The following TDRD3 variants were observed in gnomAD, a reference collection of about 807,000 sequenced individuals.
TDRD3 encodes the protein tudor domain-containing protein 3.
In TDRD3, 45 loss-of-function variants were observed where a neutral mutation model predicts 86.7. The observed-to-expected ratio is 0.52, with a 90% CI of 0.41 to 0.67. TDRD3 has a LOEUF of 0.67. TDRD3 is among the 30% of genes least tolerant of loss of function. The probability of loss-of-function intolerance (pLI) is 0.00; values close to 1 mark genes in which losing one functional copy is unlikely to be tolerated. For missense variants in TDRD3, 814 were observed against 889.0 expected, an observed-to-expected ratio of 0.92 and a Z score of 1.07; for synonymous variants, 298 against 301.7, an observed-to-expected ratio of 0.99 and a Z score of 0.13.
intron 1 of TDRD3, among the ~76,000 whole-genome samples, chr13:60,400,069 G>A (rs185883130): frequency 6.6e-6 from 1 of 152,290 alleles, no homozygotes; most frequent in East Asian, 1.9e-4. Context: ...ATTAGATTTT[G>A]CTGATTTGAA....
At chr13:60,406,837 C>G (rs1954247038) in intron 1 of TDRD3, among the ~76,000 whole-genome samples, 1 of 152,172 alleles carries the variant, frequency 6.6e-6, no homozygotes, top group South Asian at 2.1e-4. Context: ...TCCCCACAAT[C>G]TTTCCCCAAA....
At chr13:60,573,175 G>A (rs1958627635) in intron 13 of TDRD3, among the ~76,000 whole-genome samples, 1 of 152,166 alleles carries the variant, frequency 6.6e-6, no homozygotes, top group Non-Finnish European at 1.5e-5. Context: ...GGCAGGGGGA[G>A]GTGACAGACC....
intron 3 of TDRD3, among the ~76,000 whole-genome samples, 164 bp downstream of exon 3, chr13:60,444,912 A>G (rs1372858929): frequency 1.3e-5 from 2 of 152,014 alleles, no homozygotes; most frequent in Non-Finnish European, 2.9e-5. Flanking sequence ...GAAAATTATT[A>G]AGAATTCAAC....
At chr13:60,561,710 G>A (rs761042518) in intron 12 of TDRD3, among the ~76,000 whole-genome samples, 13 of 152,114 alleles carry the variant, frequency 8.5e-5, no homozygotes, top group Non-Finnish European at 1.9e-4. Flanking sequence ...CACAGTGAGG[G>A]GCAGTCGGGC....
At position 60,485,784 on chromosome 13, in the gene TDRD3, T is replaced by G; in HGVS notation, c.568-15T>G. On this transcript the variant is annotated splice_polypyrimidine_tract_variant and intron_variant, in intron 6 of 13. Transcript: ENST00000377881. ...TGGAACTACTAAGTTGACTTATTCT[T>G]ACTTGTTTTACTAGAAGTGTGTATC... The G allele has an allele frequency of 6.4e-7, 1 of 1,555,374 alleles. No individual in the cohort carries two copies. Among genetic ancestry groups the G allele is most frequent in the Middle Eastern group, 1.7e-4 (1 of 5,770 alleles).
At chr13:60,530,606 AATTTTTTGT>A (rs569324234) in intron 11 of TDRD3, among the ~76,000 whole-genome samples, 225 of 150,236 alleles carry the variant, frequency 1.5e-3, no homozygotes, top group African/African-American at 5.2e-3. Flanking sequence ...ATGCCCAGCT[AATTTTTTGT>A]ATTTTTTTTT....
chr13:60,538,378 C>T (rs1595088160), intron 12 of TDRD3, among the ~76,000 whole-genome samples: 1 of 131,806 alleles, frequency 7.6e-6, no homozygotes, highest in African/African-American at 2.8e-5. Context: ...CTAGATTTCA[C>T]CTGTATTTTT....
At chr13:60,546,182 G>A (rs1003390268) in intron 12 of TDRD3, among the ~76,000 whole-genome samples, 3 of 152,068 alleles carry the variant, frequency 2.0e-5, no homozygotes, top group African/African-American at 7.2e-5. Flanking sequence ...CATACTGGTG[G>A]TGGTTCTCAT....
At chr13:60,527,075 T>C (rs541333762) in intron 10 of TDRD3, among the ~76,000 whole-genome samples, 43 of 152,290 alleles carry the variant, frequency 2.8e-4, no homozygotes, top group Non-Finnish European at 5.1e-4. Context: ...CCTCAAGCAA[T>C]ACACCTGCTT....
At chr13:60,419,101 TG>T in intron 1 of TDRD3, among the ~76,000 whole-genome samples, 1 of 152,368 alleles carries the variant, frequency 6.6e-6, no homozygotes, top group Non-Finnish European at 1.5e-5. Context: ...GGCACATTTT[TG>T]TTTAACTTTA....
chr13:60,467,736 A>T (rs1187653442), intron 5 of TDRD3, among the ~76,000 whole-genome samples: 1 of 152,230 alleles, frequency 6.6e-6, no homozygotes, highest in Non-Finnish European at 1.5e-5. Context: ...CTACAGACAC[A>T]CATACGTGCA....
intron 1 of TDRD3, among the ~76,000 whole-genome samples, chr13:60,398,132 T>C (rs550082691): frequency 1.4e-4 from 22 of 152,346 alleles, no homozygotes; most frequent in African/African-American, 5.3e-4. Flanking sequence ...AATTAGGCAG[T>C]TTCTGGAATT....
At chr13:60,539,966 A>G (rs929376922) in intron 12 of TDRD3, among the ~76,000 whole-genome samples, 18 of 152,280 alleles carry the variant, frequency 1.2e-4, no homozygotes, top group Non-Finnish European at 2.1e-4. Context: ...TAATTCTTAC[A>G]AAAACCATTG....
intron 6 of TDRD3, among the ~76,000 whole-genome samples, chr13:60,484,311 C>T (rs1315884083): frequency 6.6e-6 from 1 of 152,146 alleles, no homozygotes; most frequent in East Asian, 1.9e-4. Flanking sequence ...TGATTCTCAA[C>T]AATCTTCTCC....
chr13:60,538,521 A>C (rs1353788857), intron 12 of TDRD3, among the ~76,000 whole-genome samples: 1 of 152,132 alleles, frequency 6.6e-6, no homozygotes, highest in Non-Finnish European at 1.5e-5. Context: ...TCAAAAAATG[A>C]GTTCTTTGAA....
At chr13:60,431,119 C>T (rs1954943938) in intron 1 of TDRD3, among the ~76,000 whole-genome samples, 1 of 151,734 alleles carries the variant, frequency 6.6e-6, no homozygotes, top group South Asian at 2.1e-4. Flanking sequence ...TTTTTAAACC[C>T]TGAGTGATCT....
chr13:60,549,014 C>A (rs1006404255), intron 12 of TDRD3, among the ~76,000 whole-genome samples: 2 of 152,066 alleles, frequency 1.3e-5, no homozygotes, highest in Admixed American at 6.6e-5. Context: ...AATTGTCATT[C>A]ATCTGCTGGA....
At chr13:60,503,830 A>G (rs9598138) in intron 8 of TDRD3, among the ~76,000 whole-genome samples, 9,137 of 152,278 alleles carry the variant, frequency 0.06, 385 homozygotes, top group Non-Finnish European at 0.097. Context: ...TTGAAAGCCA[A>G]ATTGTACCCT....
intron 8 of TDRD3, among the ~76,000 whole-genome samples, chr13:60,500,197 A>G (rs190273828): frequency 4.6e-5 from 7 of 152,252 alleles, no homozygotes; most frequent in Non-Finnish European, 7.4e-5. Flanking sequence ...TCAAGTCACC[A>G]TGCAACCTGA....
Sources: gnomAD v4.1 joint callset for allele counts (sites outside exome capture counted in the v4.1 genomes callset) on GRCh38, gnomAD v4.1.1 for gene constraint, MANE v1.5 for transcripts, NCBI Gene and HGNC (gene_info 2026-07-23, HGNC 2026-07-21) for gene names.